TENT5D: variants seen among roughly 807,000 people sequenced by gnomAD.
TENT5D encodes cancer/testis antigen 112.
For missense variants in TENT5D, 191 were observed against 287.0 expected, an observed-to-expected ratio of 0.67 and a Z score of 2.42; for synonymous variants, 103 against 100.6, an observed-to-expected ratio of 1.02 and a Z score of -0.15.
At chrX:80,435,425 C>A (rs966012) in intron 1 of TENT5D, among the ~76,000 whole-genome samples, 29,305 of 110,745 alleles carry the variant, frequency 0.26, 3,642 homozygotes, top group East Asian at 0.57. Flanking sequence ...CATGTAAAAC[C>A]GTTTTCATTT....
intron 3 of TENT5D, among the ~76,000 whole-genome samples, chrX:80,357,977 A>G (rs1237049521): frequency 9.0e-5 from 10 of 111,532 alleles, no homozygotes; most frequent in Non-Finnish European, 1.9e-5. Context: ...ATATAGACCA[A>G]TGGAACAGAA....
At chrX:80,411,886 G>A (rs771304996) in intron 3 of TENT5D, among the ~76,000 whole-genome samples, 1 of 111,744 alleles carries the variant, frequency 8.9e-6, no homozygotes, top group East Asian at 2.8e-4. Flanking sequence ...TACCATTCTG[G>A]GGTTTGGAGG....
At chrX:80,414,079 A>G (rs1422247091) in intron 3 of TENT5D, among the ~76,000 whole-genome samples, 1 of 110,977 alleles carries the variant, frequency 9.0e-6, no homozygotes, top group Non-Finnish European at 1.9e-5. Context: ...GCAGGAAAAA[A>G]CTCAAACTCT....
intron 3 of TENT5D, among the ~76,000 whole-genome samples, chrX:80,385,291 T>G (rs1033990755): frequency 3.6e-5 from 4 of 111,127 alleles, no homozygotes; most frequent in African/African-American, 1.3e-4. Flanking sequence ...ATCTGATCCT[T>G]GACAAACCTG....
intron 3 of TENT5D, among the ~76,000 whole-genome samples, chrX:80,383,659 G>A (rs776494621): frequency 1.4e-3 from 159 of 111,135 alleles, no homozygotes; most frequent in South Asian, 3.4e-3. Flanking sequence ...GATCAAGACC[G>A]TCCTGGCTAA....
chrX:80,424,818 A>T (rs1161173253), intron 1 of TENT5D, among the ~76,000 whole-genome samples: 1 of 112,388 alleles, frequency 8.9e-6, no homozygotes, highest in Admixed American at 9.4e-5. Flanking sequence ...CTTTGATGGA[A>T]CTCTGTTTTA....
chrX:80,362,398 C>T (rs1930426858), intron 3 of TENT5D, among the ~76,000 whole-genome samples: 1 of 111,693 alleles, frequency 9.0e-6, no homozygotes, highest in Non-Finnish European at 1.9e-5. Flanking sequence ...CTCCTGACCT[C>T]GTGATCTGCC....
chrX:80,391,931 A>G (rs886884011), intron 3 of TENT5D, among the ~76,000 whole-genome samples: 1 of 112,645 alleles, frequency 8.9e-6, no homozygotes. Flanking sequence ...ATGGGATAGT[A>G]TAGCAAACCT....
At chrX:80,422,985 G>A (rs867538724) in intron 1 of TENT5D, among the ~76,000 whole-genome samples, 1 of 112,067 alleles carries the variant, frequency 8.9e-6, no homozygotes, top group South Asian at 3.7e-4. Flanking sequence ...GTCTCACTAG[G>A]TGGCTTTACC....
chrX:80,427,174 A>G (rs1932003004), intron 1 of TENT5D, among the ~76,000 whole-genome samples: 1 of 111,905 alleles, frequency 8.9e-6, no homozygotes, highest in South Asian at 3.7e-4. Flanking sequence ...ATTACATGTT[A>G]TAATGGTAAC....
intron 3 of TENT5D, among the ~76,000 whole-genome samples, chrX:80,396,344 G>A (rs752458133): frequency 1.8e-5 from 2 of 110,317 alleles, no homozygotes; most frequent in Admixed American, 1.9e-4. Context: ...AGGGTCATAG[G>A]ACAATAGTGG....
At chrX:80,367,878 A>T (rs1219599483) in intron 3 of TENT5D, among the ~76,000 whole-genome samples, 1 of 111,596 alleles carries the variant, frequency 9.0e-6, no homozygotes, top group African/African-American at 3.3e-5. Context: ...GGAAGTAGTG[A>T]TGGTTAATAG....
chrX:80,381,628 G>A (rs975230563), intron 3 of TENT5D, among the ~76,000 whole-genome samples: 8 of 111,479 alleles, frequency 7.2e-5, no homozygotes, highest in South Asian at 3.7e-4. Context: ...TCACATAGTC[G>A]CATATTTCTT....
intron 3 of TENT5D, among the ~76,000 whole-genome samples, chrX:80,387,001 A>G (rs193235807): frequency 5.2e-4 from 59 of 112,606 alleles, no homozygotes; most frequent in Non-Finnish European, 9.9e-4. Flanking sequence ...AAAAGGAAAG[A>G]AAAAAGGTAA....
chrX:80,346,062 C>G (rs894367138), intron 3 of TENT5D, among the ~76,000 whole-genome samples: 1 of 111,992 alleles, frequency 8.9e-6, no homozygotes, highest in African/African-American at 3.2e-5. Flanking sequence ...TTGACTGACC[C>G]TGGTAATCAC....
intron 3 of TENT5D, among the ~76,000 whole-genome samples, chrX:80,409,449 C>T (rs1050636797): frequency 9.0e-6 from 1 of 111,077 alleles, no homozygotes; most frequent in Admixed American, 9.6e-5. Context: ...TTCTTATACA[C>T]CAATAACAGA....
At chrX:80,364,994 G>T (rs183003249) in intron 3 of TENT5D, among the ~76,000 whole-genome samples, 166 of 110,359 alleles carry the variant, frequency 1.5e-3, no homozygotes, top group African/African-American at 5.2e-3. Flanking sequence ...TCAGGATGGA[G>T]AGCATAAAGT....
chrX:80,383,843 G>A (rs184762874), intron 3 of TENT5D, among the ~76,000 whole-genome samples: 500 of 110,275 alleles, frequency 4.5e-3, no homozygotes, highest in Non-Finnish European at 6.9e-3. Context: ...GCGACAGAGC[G>A]AGACTCCATC....
chrX:80,343,387 A>C (rs199936455), intron 3 of TENT5D, among the ~76,000 whole-genome samples: 3 of 76,484 alleles, frequency 3.9e-5, no homozygotes, highest in East Asian at 8.2e-4. Context: ...AGGTCATTTT[A>C]TTTCTTTTTT....
Sources: gnomAD v4.1 joint callset for allele counts (sites outside exome capture counted in the v4.1 genomes callset) on GRCh38, gnomAD v4.1.1 for gene constraint, MANE v1.5 for transcripts, NCBI Gene and HGNC (gene_info 2026-07-23, HGNC 2026-07-21) for gene names.